Variants in EPHA3 observed in about 807,000 individuals in gnomAD.
EPHA3 encodes EPH receptor A3.
Under a neutral mutation model 107.1 loss-of-function variants are expected in EPHA3, and 42 were observed. The ratio of observed to expected loss-of-function variants is 0.39; its 90% CI spans 0.31 to 0.51. EPHA3 has a LOEUF of 0.51. Ranked by LOEUF, EPHA3 falls within the 20% of genes least tolerant of loss-of-function variation. EPHA3 has a pLI of 0.78. For missense variants in EPHA3, 1,183 were observed against 1,211.2 expected (o/e 0.98, Z 0.35); for synonymous variants, 461 against 424.8 (o/e 1.09, Z -1.05).
intron 2 of EPHA3, among the ~76,000 whole-genome samples, chr3:89,178,161 T>C (rs558584852): frequency 6.6e-6 from 1 of 152,240 alleles, no homozygotes; most frequent in Admixed American, 6.5e-5. Flanking sequence ...CAAGGTGCAG[T>C]TCCCCTGGCA....
At chr3:89,242,694 C>G (rs1044947867) in intron 3 of EPHA3, among the ~76,000 whole-genome samples, 3 of 152,130 alleles carry the variant, frequency 2.0e-5, no homozygotes, top group African/African-American at 7.2e-5. Context: ...GCCTCAGCCT[C>G]CCAAAGTGCT....
At chr3:89,221,254 G>A (rs1003558117) in intron 3 of EPHA3, among the ~76,000 whole-genome samples, 1 of 152,032 alleles carries the variant, frequency 6.6e-6, no homozygotes, top group African/African-American at 2.4e-5. Context: ...CCTCTCTCTG[G>A]GACCAATCAC....
chr3:89,367,817 A>G (rs1708213046), intron 5 of EPHA3, among the ~76,000 whole-genome samples: 1 of 150,694 alleles, frequency 6.6e-6, no homozygotes, highest in Non-Finnish European at 1.5e-5. Flanking sequence ...CACTTTGTTA[A>G]TTTTTCTCTA....
chr3:89,274,200 T>C (rs1331823450), intron 3 of EPHA3, among the ~76,000 whole-genome samples: 1 of 151,978 alleles, frequency 6.6e-6, no homozygotes, highest in East Asian at 1.9e-4. Context: ...CTTTGTTATT[T>C]TCTATTTACC....
intron 5 of EPHA3, among the ~76,000 whole-genome samples, chr3:89,386,884 T>A (rs1708632915): frequency 1.3e-5 from 2 of 152,204 alleles, no homozygotes; most frequent in South Asian, 4.1e-4. Context: ...ATTATTGCCT[T>A]GTTTGATTTT....
chr3:89,122,422 C>T (rs1707412168), intron 1 of EPHA3, among the ~76,000 whole-genome samples: 1 of 152,184 alleles, frequency 6.6e-6, no homozygotes, highest in Non-Finnish European at 1.5e-5. Flanking sequence ...TTAAAGCCTA[C>T]TGTTAACCTT....
At chr3:89,130,242 G>C (rs73845986) in intron 2 of EPHA3, among the ~76,000 whole-genome samples, 1,782 of 152,212 alleles carry the variant, frequency 0.012, 38 homozygotes, top group African/African-American at 0.039. Context: ...AATGACAGTG[G>C]CTAAATTGAG....
intron 3 of EPHA3, among the ~76,000 whole-genome samples, chr3:89,215,090 A>G (rs1704193315): frequency 6.6e-6 from 1 of 151,890 alleles, no homozygotes; most frequent in Non-Finnish European, 1.5e-5. Context: ...AAAGAAAAAT[A>G]TATCTGTTGA....
chr3:89,182,113 C>A (rs1411687891), intron 2 of EPHA3, among the ~76,000 whole-genome samples: 2 of 151,206 alleles, frequency 1.3e-5, no homozygotes, highest in Non-Finnish European at 3.0e-5. Flanking sequence ...TCCTTCTCTT[C>A]TCTTCTTTAT....
At chr3:89,357,106 CAAAAAAAAAAAAA>C (rs56717904) in intron 5 of EPHA3, among the ~76,000 whole-genome samples, 464 of 16,032 alleles carry the variant, frequency 0.029, 16 homozygotes, top group African/African-American at 0.093. Context: ...GACCCTGTCT[CAAAAAAAAAAAAA>C]AAAAAAAAAA....
At chr3:89,377,649 A>AT (rs1271232036) in intron 5 of EPHA3, among the ~76,000 whole-genome samples, 3 of 151,780 alleles carry the variant, frequency 2.0e-5, no homozygotes, top group Non-Finnish European at 4.4e-5. Context: ...TTTTTCCCTC[A>AT]TTTTTTTTCC....
intron 3 of EPHA3, among the ~76,000 whole-genome samples, chr3:89,271,878 A>G (rs1266030082): frequency 6.6e-6 from 1 of 151,804 alleles, no homozygotes; most frequent in Admixed American, 6.6e-5. Flanking sequence ...TTCTTCCACC[A>G]CTGTCACCCT....
chr3:89,402,824 T>C (rs1470026088), intron 7 of EPHA3, among the ~76,000 whole-genome samples: 2 of 152,148 alleles, frequency 1.3e-5, no homozygotes, highest in Non-Finnish European at 2.9e-5. Flanking sequence ...ATTACAGGCA[T>C]GTGCCACAAT....
At chr3:89,356,336 T>C (rs1236425351) in intron 5 of EPHA3, among the ~76,000 whole-genome samples, 2 of 151,050 alleles carry the variant, frequency 1.3e-5, no homozygotes, top group Non-Finnish European at 3.0e-5. Context: ...TATAGTCCTT[T>C]GGGTATATAC....
At chr3:89,395,278 T>C (rs1708824902) in intron 5 of EPHA3, among the ~76,000 whole-genome samples, 1 of 152,150 alleles carries the variant, frequency 6.6e-6, no homozygotes, top group African/African-American at 2.4e-5. Context: ...AGTCAAGAGA[T>C]GTTTGTCAGA....
chr3:89,350,652 G>A (rs565830102), intron 5 of EPHA3, among the ~76,000 whole-genome samples: 3 of 151,320 alleles, frequency 2.0e-5, no homozygotes, highest in Admixed American at 6.6e-5. Context: ...TTGTTCCATT[G>A]CTGGTGAGGA....
chr3:89,470,891 G>C (rs1710386389), intron 15 of EPHA3, among the ~76,000 whole-genome samples: 1 of 152,126 alleles, frequency 6.6e-6, no homozygotes. Flanking sequence ...GTGCCTAACA[G>C]GTACTGTAAG....
chr3:89,251,809 G>T (rs1705172700), intron 3 of EPHA3, among the ~76,000 whole-genome samples: 1 of 152,078 alleles, frequency 6.6e-6, no homozygotes, highest in African/African-American at 2.4e-5. Flanking sequence ...AAAAAAATCA[G>T]ATTGATTAGC....
intron 2 of EPHA3, among the ~76,000 whole-genome samples, chr3:89,142,319 C>T (rs573050096): frequency 4.0e-5 from 6 of 151,110 alleles, no homozygotes; most frequent in Admixed American, 2.0e-4. Context: ...CTATATTTAC[C>T]GCAATGTTTA....
Sources: gnomAD v4.1 joint callset for allele counts (sites outside exome capture counted in the v4.1 genomes callset) on GRCh38, gnomAD v4.1.1 for gene constraint, MANE v1.5 for transcripts, NCBI Gene and HGNC (gene_info 2026-07-23, HGNC 2026-07-21) for gene names.